Variants in ZRANB1 observed in about 807,000 individuals in gnomAD.
ZRANB1 encodes zinc finger RANBP2-type containing 1.
In ZRANB1, 16 loss-of-function variants were observed where a neutral mutation model predicts 80.5. That is an observed-to-expected ratio of 0.20 (90% CI 0.13 to 0.30). The LOEUF is 0.30. Ranked by LOEUF, ZRANB1 falls within the 10% of genes least tolerant of loss-of-function variation. The pLI is 1.00. For missense variants in ZRANB1, 576 were observed against 862.6 expected (o/e 0.67, Z 4.16); for synonymous variants, 291 against 293.1 (o/e 0.99, Z 0.07).
the ZRANB1 span, among the ~76,000 whole-genome samples, chr10:124,921,968 A>T: frequency 6.6e-5 from 10 of 151,894 alleles, no homozygotes; most frequent in Admixed American, 1.3e-4. Flanking sequence ...GAATTAAATT[A>T]AAAAAAATTT....
Position 124,985,036 on chromosome 10 carries a change from A to G in ZRANB1, c.*44A>G, listed in dbSNP as rs1321216377. ...AGAAGACCAAGGCATCAGATCTGTA[A>G]TGACCCTAAAGTTAGTGTGGTGCTC... On this transcript the variant is annotated 3_prime_UTR_variant, in exon 9 of 9. Coordinates refer to ENST00000359653, the MANE Select transcript of ZRANB1 (RefSeq NM_017580.3). 4.8e-6 allele frequency: 7 copies of G among 1,466,810 alleles called. No homozygotes were observed. The Admixed American group carries it at 5.8e-5, about 12-fold the overall frequency. 90.9% of individuals were successfully genotyped at this position (1,466,810 alleles called of 1,614,324 possible).
the ZRANB1 span, among the ~76,000 whole-genome samples, chr10:124,927,498 G>A: frequency 6.6e-6 from 1 of 152,104 alleles, no homozygotes; most frequent in Non-Finnish European, 1.5e-5. Context: ...ATTTAATGGA[G>A]CTAAAGTTTA....
chr10:124,943,153 G>A lies in ZRANB1; in HGVS notation c.660G>A (p.Thr220=), dbSNP rs747636143. 4 of 1,614,080 alleles carry A rather than the reference G, an allele frequency of 2.5e-6. No homozygotes were observed. Among genetic ancestry groups the A allele is most frequent in the East Asian group, 2.2e-5 (1 of 44,894 alleles). Residue 220 remains threonine, a synonymous_variant, in exon 1 of 9, where the codon ACG becomes ACA. Transcript: ENST00000359653. ...GCCAAAGGAGATCACCTCCTGCTACGAAGCGGGACTCTGAAGTGAAAATGG... is the reference window on the plus strand; with the variant it reads ...GCCAAAGGAGATCACCTCCTGCTACAAAGCGGGACTCTGAAGTGAAAATGG... ...GNSQRRSPPA[T]KRDSEVKMDF... is the part of the protein sequence containing the mutation.
chr10:124,938,898 C>T (rs906634337), upstream of ZRANB1, among the ~76,000 whole-genome samples: 4 of 151,680 alleles, frequency 2.6e-5, no homozygotes, highest in Non-Finnish European at 2.9e-5. Context: ...TTTTTTTGGT[C>T]GGGCATAGTG....
At chr10:124,951,587 C>T (rs993878773) in intron 1 of ZRANB1, among the ~76,000 whole-genome samples, 1 of 152,088 alleles carries the variant, frequency 6.6e-6, no homozygotes, top group Non-Finnish European at 1.5e-5. Flanking sequence ...TACTCCTTAG[C>T]TTTAAAAATT....
chr10:124,942,147 A>G lies in ZRANB1; in HGVS notation c.-347A>G, dbSNP rs1195629730. ...TGTGATGGCCTCCCTGAAATTAAACATTTCTATTAGTGGCTTCCCGTTAAT... is the reference window on the plus strand; with the variant it reads ...TGTGATGGCCTCCCTGAAATTAAACGTTTCTATTAGTGGCTTCCCGTTAAT... On this transcript the variant is annotated 5_prime_UTR_variant, in exon 1 of 9. Coordinates refer to ENST00000359653, the MANE Select transcript of ZRANB1 (RefSeq NM_017580.3). The G allele has an allele frequency of 6.6e-6, 7 of 1,065,186 alleles. No individual in the cohort carries two copies. Among genetic ancestry groups the G allele is most frequent in the Non-Finnish European group, 8.0e-6 (7 of 880,068 alleles). The allele number at this position is 1,065,186 out of a possible 1,614,324, so 66.0% of individuals were successfully genotyped here.
At chr10:124,972,387 CTT>C (rs1428855641) in intron 3 of ZRANB1, among the ~76,000 whole-genome samples, 2 of 152,090 alleles carry the variant, frequency 1.3e-5, no homozygotes, top group African/African-American at 2.4e-5. Flanking sequence ...CTGTTGTACT[CTT>C]TTATTTTTCT....
intron 1 of ZRANB1, among the ~76,000 whole-genome samples, chr10:124,951,316 AAAATT>A (rs1951637136): frequency 6.6e-6 from 1 of 152,246 alleles, no homozygotes; most frequent in South Asian, 2.1e-4. Flanking sequence ...TAATCCAAAC[AAAATT>A]AAATTAACTT....
the ZRANB1 span, among the ~76,000 whole-genome samples, chr10:124,934,535 G>A: frequency 3.6e-3 from 546 of 152,290 alleles, 2 homozygotes; most frequent in African/African-American, 0.012. Flanking sequence ...GAGCAGTGAC[G>A]AAAGGAACAA....
chr10:124,919,797 G>A, the ZRANB1 span, among the ~76,000 whole-genome samples: 1 of 150,520 alleles, frequency 6.6e-6, no homozygotes, highest in African/African-American at 2.4e-5. Context: ...ATTTTTAGTG[G>A]AGACGGAGTT....
upstream of ZRANB1, among the ~76,000 whole-genome samples, chr10:124,938,073 C>A (rs557265638): frequency 4.0e-4 from 61 of 152,186 alleles, no homozygotes; most frequent in Non-Finnish European, 7.6e-4. Context: ...TTTACTTGGG[C>A]GTATGAATAT....
At position 124,983,489 on chromosome 10, in the gene ZRANB1, G is replaced by C. The variant is rs771958588; in HGVS notation, c.1709G>C (p.Ser570Thr). The C allele has an allele frequency of 6.2e-7, 1 of 1,612,696 alleles. No individual in the cohort carries two copies. Among genetic ancestry groups the C allele is most frequent in the East Asian group, 2.2e-5 (1 of 44,832 alleles). Residue 570 changes from serine to threonine, a missense_variant, in exon 8 of 9, where the codon AGT becomes ACT. Ser to Thr is a moderately conservative substitution (Grantham distance 58). Coordinates refer to ENST00000359653, the MANE Select transcript of ZRANB1 (RefSeq NM_017580.3). This position sits in a 1 kb window ranked among gnomAD's most constrained non-coding sequence, Gnocchi z 6.2. ...GVYLPLLWEQ[S>T]FCWKSPIALG... ...TATCTGCCTTTGTTGTGGGAACAGA[G>C]TTTTTGTTGGAAAAGTCCGATTGCT... is the stretch of plus-strand genomic sequence containing the variant.
At position 124,985,256 on chromosome 10, in the gene ZRANB1, C is replaced by T; in HGVS notation, c.*264C>T. On this transcript the variant is annotated 3_prime_UTR_variant, in exon 9 of 9. Coordinates refer to ENST00000359653, the MANE Select transcript of ZRANB1 (RefSeq NM_017580.3). ...CTTTTTTTCCTTCCAAATTGTAAAT[C>T]TGTCTATAAATGTAACGCATGTGGT... 2.6e-6 allele frequency: 1 copy of T among 388,366 alleles called. No homozygotes were observed. 24.1% of individuals were successfully genotyped at this position (388,366 alleles called of 1,614,324 possible). A position where few individuals can be genotyped will look rare whatever the true frequency, so the allele number is the denominator to read the frequency against.
intron 1 of ZRANB1, chr10:124,962,458 A>G (rs1260054181): frequency 2.1e-5 from 20 of 938,834 alleles, no homozygotes; most frequent in Non-Finnish European, 2.5e-5. Context: ...CAAAGTTAAT[A>G]ACCATTATAA....
chr10:124,922,310 TATATGTAAAATATATGTATATATATA>T, the ZRANB1 span, among the ~76,000 whole-genome samples: 175 of 23,880 alleles, frequency 7.3e-3, no homozygotes, highest in Non-Finnish European at 0.036. Flanking sequence ...AATATATATA[TATATGTAAAATATATGTATATATATA>T]TTTTTTTTTT....
intron 8 of ZRANB1, 92 bp from the exon 9 acceptor site, chr10:124,984,682 T>C: frequency 1.5e-6 from 2 of 1,321,220 alleles, no homozygotes; most frequent in Non-Finnish European, 2.1e-6. Flanking sequence ...TTTCATGAGT[T>C]AGCATACCAG....
At chr10:124,931,907 A>G in the ZRANB1 span, among the ~76,000 whole-genome samples, 1 of 152,194 alleles carries the variant, frequency 6.6e-6, no homozygotes, top group South Asian at 2.1e-4. Context: ...TTTATAATGA[A>G]AAGTATCTAT....
intron 8 of ZRANB1, 30 bp from the exon 9 acceptor site, chr10:124,984,744 T>C: frequency 6.2e-7 from 1 of 1,604,632 alleles, no homozygotes; most frequent in Non-Finnish European, 8.5e-7. Context: ...GTTGTATGAT[T>C]TTCCCTTTGT....
intron 2 of ZRANB1, among the ~76,000 whole-genome samples, chr10:124,968,048 G>T (rs1430695332): frequency 1.3e-5 from 2 of 151,986 alleles, no homozygotes; most frequent in African/African-American, 4.8e-5. Context: ...GTAGGCACAT[G>T]CCACCATGCC....
Sources: gnomAD v4.1 joint callset for allele counts (sites outside exome capture counted in the v4.1 genomes callset) on GRCh38, gnomAD v4.1.1 for gene constraint, Gnocchi (gnomAD v3.1) non-coding constraint, MANE v1.5 for transcripts, NCBI Gene and HGNC (gene_info 2026-07-23, HGNC 2026-07-21) for gene names.